Variants in CRPPA observed in about 807,000 individuals in gnomAD.
CRPPA encodes the protein D-ribitol-5-phosphate cytidylyltransferase.
A neutral mutation model predicts 52.0 loss-of-function variants in CRPPA; 43 were observed. The ratio of observed to expected loss-of-function variants is 0.83; its 90% CI spans 0.65 to 1.07. The LOEUF (loss-of-function observed/expected upper bound fraction) is 1.07. Ranked by LOEUF, CRPPA falls within the 50% of genes least tolerant of loss-of-function variation. The pLI, the probability that CRPPA is intolerant of heterozygous loss-of-function variation, is 0.00. For missense variants in CRPPA, 629 were observed against 551.7 expected, an observed-to-expected ratio of 1.14 and a Z score of -1.40; for synonymous variants, 250 against 203.5, an observed-to-expected ratio of 1.23 and a Z score of -1.94.
intron 9 of CRPPA, among the ~76,000 whole-genome samples, chr7:16,198,510 G>T (rs1317251059): frequency 1.7e-5 from 2 of 116,118 alleles, no homozygotes; most frequent in Admixed American, 9.2e-5. Flanking sequence ...ACCCACAGAT[G>T]ATCAATAAAT....
At chr7:16,348,704 G>A (rs1030037823) in intron 3 of CRPPA, among the ~76,000 whole-genome samples, 1 of 147,278 alleles carries the variant, frequency 6.8e-6, no homozygotes, top group African/African-American at 2.5e-5. Flanking sequence ...TAGTCCACTT[G>A]CATCTGGGAG....
At chr7:16,180,833 C>T (rs1331434411) in intron 9 of CRPPA, among the ~76,000 whole-genome samples, 4 of 152,016 alleles carry the variant, frequency 2.6e-5, no homozygotes, top group African/African-American at 9.7e-5. Context: ...TCGAAACATT[C>T]ATAAAACTAA....
chr7:16,334,767 C>G (rs1405875087), intron 3 of CRPPA, among the ~76,000 whole-genome samples: 2 of 152,160 alleles, frequency 1.3e-5, no homozygotes, highest in African/African-American at 4.8e-5. Flanking sequence ...ATTAGAGAAG[C>G]TGACACCAAG....
At chr7:16,221,058 C>T (rs1583441895) in intron 8 of CRPPA, among the ~76,000 whole-genome samples, 1 of 152,162 alleles carries the variant, frequency 6.6e-6, no homozygotes, top group African/African-American at 2.4e-5. Context: ...TACAAGGCTA[C>T]AGTAACCAAA....
intron 8 of CRPPA, among the ~76,000 whole-genome samples, chr7:16,245,449 T>G (rs1783243164): frequency 6.6e-6 from 1 of 152,204 alleles, no homozygotes; most frequent in South Asian, 2.1e-4. Flanking sequence ...GGATGAAGCC[T>G]GATCAGTCAT....
intron 8 of CRPPA, among the ~76,000 whole-genome samples, chr7:16,223,216 G>A (rs540505402): frequency 6.6e-5 from 10 of 152,116 alleles, no homozygotes; most frequent in Non-Finnish European, 1.0e-4. Flanking sequence ...GAACAATGCC[G>A]CTGCTTAATG....
At chr7:16,178,167 A>G (rs971987618) in intron 9 of CRPPA, among the ~76,000 whole-genome samples, 7 of 152,010 alleles carry the variant, frequency 4.6e-5, no homozygotes, top group Admixed American at 3.9e-4. Context: ...AGAGTTCTGG[A>G]TGCTGAATTT....
At position 16,264,183 on chromosome 7, in the gene CRPPA, C is replaced by T. The variant is rs73294839; in HGVS notation, c.934-5171G>A. 3.4e-3 allele frequency among the ~76,000 whole-genome samples: 515 copies of T among 152,090 alleles called. 2 individuals carry two copies. Among genetic ancestry groups the T allele is most frequent in the African/African-American group, 0.011 (471 of 41,492 alleles). ...AATCAACAAAGACCACAATAGACAA[C>T]GCTATTAGGTTGTTTATATATAAAA... On this transcript the variant is annotated intron_variant, in intron 6 of 9. Transcript: ENST00000407010.
chr7:16,104,067 A>AAAT (rs1782101387), intron 9 of CRPPA, among the ~76,000 whole-genome samples: 1 of 152,226 alleles, frequency 6.6e-6, no homozygotes, highest in Non-Finnish European at 1.5e-5. Context: ...AATGACTATT[A>AAAT]GGCTTTTGAA....
intron 9 of CRPPA, among the ~76,000 whole-genome samples, chr7:16,100,445 G>A (rs1459029235): frequency 6.6e-6 from 1 of 152,076 alleles, no homozygotes; most frequent in African/African-American, 2.4e-5. Context: ...GTCCACAGTA[G>A]GCACTCGGTA....
At position 16,387,088 on chromosome 7, in the gene CRPPA, CACACAT is replaced by C. The variant is rs1296951692; in HGVS notation, c.535-10853_535-10848del. On this transcript the variant is annotated intron_variant, in intron 2 of 9. Coordinates refer to ENST00000407010, the MANE Select transcript of CRPPA (RefSeq NM_001101426.4). ...ATATATATATATATATATATATATACACACATATATATATGTATATACACACACACA... is the reference window on the plus strand; with the variant it reads ...ATATATATATATATATATATATATACATATATATGTATATACACACACACA... Among the ~76,000 whole-genome samples the C allele has an allele frequency of 9.5e-3, 329 of 34,760 alleles. 4 individuals are homozygous for C. Among genetic ancestry groups the C allele is most frequent in the African/African-American group, 0.035 (309 of 8,814 alleles). 22.8% of individuals were successfully genotyped at this position (34,760 alleles called of 152,430 possible). A position where few individuals can be genotyped will look rare whatever the true frequency, so the allele number is the denominator to read the frequency against.
chr7:16,122,942 T>A (rs935293913), intron 9 of CRPPA, among the ~76,000 whole-genome samples: 5 of 152,006 alleles, frequency 3.3e-5, no homozygotes, highest in Non-Finnish European at 7.4e-5. Context: ...CTGCCACTCA[T>A]GAGTTATATG....
intron 2 of CRPPA, among the ~76,000 whole-genome samples, chr7:16,377,333 G>A (rs1786918338): frequency 6.6e-6 from 1 of 152,184 alleles, no homozygotes; most frequent in African/African-American, 2.4e-5. Flanking sequence ...AACTGGTCAA[G>A]CCCAGTACCT....
chr7:16,239,324 C>T (rs966819699), intron 8 of CRPPA, among the ~76,000 whole-genome samples: 2 of 151,690 alleles, frequency 1.3e-5, no homozygotes, highest in African/African-American at 4.8e-5. Flanking sequence ...TTACCATGCT[C>T]ATTTTACAAG....
rs557665238 is a variant in CRPPA, at chr7:16,212,843, C to A, written c.1251+3223G>T. The stretch of plus-strand genomic sequence containing the variant: ...CTAGTTTTTCCAGTGTGGAGGGCAA[C>A]AGACACTAGCTCAGTGAAAGAAACA... On this transcript the variant is annotated intron_variant, in intron 9 of 9. Transcript: ENST00000407010. Among the ~76,000 whole-genome samples, 4 of 152,278 alleles carry A rather than the reference C, an allele frequency of 2.6e-5. No homozygotes were observed. The East Asian group carries it at 7.7e-4, about 29-fold the overall frequency.
intron 3 of CRPPA, among the ~76,000 whole-genome samples, chr7:16,330,598 GT>G (rs1258287495): frequency 1.3e-5 from 2 of 152,146 alleles, no homozygotes. Context: ...AAGTCTGAGA[GT>G]TAAAAACTCC....
chr7:16,348,579 A>C (rs1786071742), intron 3 of CRPPA, among the ~76,000 whole-genome samples: 1 of 152,242 alleles, frequency 6.6e-6, no homozygotes, highest in African/African-American at 2.4e-5. Flanking sequence ...AGGTAGTCTT[A>C]GACATGAAAA....
intron 3 of CRPPA, among the ~76,000 whole-genome samples, chr7:16,343,195 C>A (rs184756350): frequency 8.0e-4 from 121 of 152,082 alleles, no homozygotes; most frequent in Admixed American, 4.7e-3. Context: ...GAAAAATGAT[C>A]AAAATCATTT....
intron 9 of CRPPA, among the ~76,000 whole-genome samples, chr7:16,155,644 T>C (rs1270586926): frequency 2.0e-5 from 3 of 152,240 alleles, no homozygotes; most frequent in Admixed American, 2.0e-4. Flanking sequence ...ACTTACGTTA[T>C]TGTAAAAATA....
Sources: allele counts gnomAD v4.1 joint callset (sites outside exome capture counted in the v4.1 genomes callset), GRCh38; gene constraint gnomAD v4.1.1; transcripts MANE v1.5; gene names NCBI Gene and HGNC (gene_info 2026-07-23, HGNC 2026-07-21).